OLFM2: variants seen among roughly 807,000 people sequenced by gnomAD.
OLFM2 encodes olfactomedin 2.
A neutral mutation model predicts 43.9 loss-of-function variants in OLFM2; 20 were observed. That is an observed-to-expected ratio of 0.46 (90% CI 0.32 to 0.66). The LOEUF (loss-of-function observed/expected upper bound fraction) is 0.66, where lower values mean the gene tolerates loss of function less well. Ranked by LOEUF, OLFM2 falls within the 30% of genes least tolerant of loss-of-function variation. The pLI is 0.04. For missense variants in OLFM2, 416 were observed against 643.6 expected, an observed-to-expected ratio of 0.65 and a Z score of 3.83; for synonymous variants, 268 against 278.6, an observed-to-expected ratio of 0.96 and a Z score of 0.38.
intron 1 of OLFM2, among the ~76,000 whole-genome samples, chr19:9,919,373 A>G (rs10421142): frequency 4.0e-4 from 61 of 152,138 alleles, no homozygotes; most frequent in African/African-American, 1.4e-3. Flanking sequence ...TCACTGTGTT[A>G]GCCAGGATGG....
chr19:9,921,812 G>A lies in OLFM2; in HGVS notation c.63+14492C>T, dbSNP rs76244461. ...AACTACATTAAAATTAAGAAATCCTGGCTGAGTGCAGTGGCTCACGCCTGT... is the reference window on the plus strand; with the variant it reads ...AACTACATTAAAATTAAGAAATCCTAGCTGAGTGCAGTGGCTCACGCCTGT... On this transcript the variant is annotated intron_variant, in intron 1 of 5. Coordinates refer to ENST00000264833, the MANE Select transcript of OLFM2 (RefSeq NM_058164.4). Among the ~76,000 whole-genome samples, 7 of 152,244 alleles carry A rather than the reference G, an allele frequency of 4.6e-5. No homozygotes were observed. In the East Asian group the frequency reaches 1.4e-3, roughly 30 times the overall value.
At chr19:9,863,991 G>A (rs1020862635) in intron 1 of OLFM2, among the ~76,000 whole-genome samples, 1 of 152,226 alleles carries the variant, frequency 6.6e-6, no homozygotes. Flanking sequence ...CGCCTTCCTT[G>A]TACTCAGGTA....
In OLFM2 at chr19:9,856,273, T is replaced by C. The variant is rs1430636587; in HGVS notation, c.687+534A>G. On this transcript the variant is annotated intron_variant, in intron 5 of 5. Coordinates refer to ENST00000264833, the MANE Select transcript of OLFM2 (RefSeq NM_058164.4). The surrounding 1 kb of genome is among the most constrained non-coding windows in gnomAD (Gnocchi z 4.0). ...ACCACCATGTCCGGCTAATTTTGTA[T>C]TTTTAGTAGAGACAGGGTTTCTCCA... is the stretch of plus-strand genomic sequence containing the variant. Among the ~76,000 whole-genome samples, 1 of 152,120 alleles carries C rather than the reference T, an allele frequency of 6.6e-6. No homozygotes were observed. The highest frequency in any genetic ancestry group is 1.5e-5 in the Non-Finnish European group (1 of 68,034).
rs1246691288 is a variant in OLFM2 at position 9,907,716 on chromosome 19, G to T, written c.63+28588C>A. 2.0e-5 allele frequency among the ~76,000 whole-genome samples: 3 copies of T among 152,060 alleles called. No individual in the cohort carries two copies. The East Asian group carries it at 5.8e-4, about 30-fold the overall frequency. On this transcript the variant is annotated intron_variant, in intron 1 of 5. Transcript: ENST00000264833. Reference sequence around the variant, plus strand: ...CAGACATGAATGAGATAAAGAGACAGATATAGGCCGGGCATGGTGGCTTAT... The same window carrying T: ...CAGACATGAATGAGATAAAGAGACATATATAGGCCGGGCATGGTGGCTTAT...
intron 1 of OLFM2, among the ~76,000 whole-genome samples, chr19:9,920,985 G>A (rs900435772): frequency 6.6e-6 from 1 of 152,018 alleles, no homozygotes; most frequent in East Asian, 1.9e-4. Flanking sequence ...ATCAATAATT[G>A]CTGAGATTTA....
At chr19:9,890,745 G>A (rs2046631753) in intron 1 of OLFM2, among the ~76,000 whole-genome samples, 1 of 152,006 alleles carries the variant, frequency 6.6e-6, no homozygotes, top group African/African-American at 2.4e-5. Context: ...TTGAGGCCAG[G>A]AGTTTGAGAA....
intron 1 of OLFM2, among the ~76,000 whole-genome samples, chr19:9,869,343 TG>T (rs2046425947): frequency 6.6e-6 from 1 of 152,178 alleles, no homozygotes; most frequent in Non-Finnish European, 1.5e-5. Flanking sequence ...TTATTCCTCC[TG>T]GGATGGTAGA....
intron 1 of OLFM2, among the ~76,000 whole-genome samples, chr19:9,922,294 A>ACT (rs2086426489): frequency 6.8e-6 from 1 of 146,888 alleles, no homozygotes; most frequent in African/African-American, 2.5e-5. Flanking sequence ...ACACACACAC[A>ACT]TTCCTACAAA....
chr19:9,914,375 C>T (rs1452686548), intron 1 of OLFM2, among the ~76,000 whole-genome samples: 1 of 152,150 alleles, frequency 6.6e-6, no homozygotes, highest in East Asian at 1.9e-4. Flanking sequence ...GAAGGGGCTT[C>T]CTTCCCGGGC....
chr19:9,907,209 A>C (rs988278266), intron 1 of OLFM2, among the ~76,000 whole-genome samples: 1 of 152,152 alleles, frequency 6.6e-6, no homozygotes, highest in Non-Finnish European at 1.5e-5. Flanking sequence ...TAATCCCAGC[A>C]CTTTGGGTAG....
At chr19:9,926,792 C>T (rs183835613) in intron 1 of OLFM2, among the ~76,000 whole-genome samples, 11 of 151,582 alleles carry the variant, frequency 7.3e-5, no homozygotes, top group Admixed American at 7.2e-4. Context: ...CCGGCCTGGA[C>T]AATATAGTGA....
chr19:9,926,168 G>A (rs1009690730), intron 1 of OLFM2, among the ~76,000 whole-genome samples: 1 of 151,100 alleles, frequency 6.6e-6, no homozygotes, highest in Non-Finnish European at 1.5e-5. Context: ...AAAAAAAGCT[G>A]AAAACAACCC....
chr19:9,858,566 C>T (rs921151327), intron 2 of OLFM2, among the ~76,000 whole-genome samples: 2 of 152,220 alleles, frequency 1.3e-5, no homozygotes, highest in African/African-American at 4.8e-5. Context: ...ACAGCTTAAC[C>T]TCCAGTGCCC....
intron 1 of OLFM2, among the ~76,000 whole-genome samples, chr19:9,925,962 C>G (rs114227589): frequency 0.015 from 2,265 of 151,162 alleles, 51 homozygotes; most frequent in African/African-American, 0.052. Flanking sequence ...TGACAAGACC[C>G]CATCTCTACA....
chr19:9,913,700 C>T (rs1272309425), intron 1 of OLFM2: 2 of 1,069,872 alleles, frequency 1.9e-6, no homozygotes, highest in Middle Eastern at 4.3e-4. Context: ...CCTCGACACC[C>T]AGGCGCCCCG....
Position 9,854,306 on chromosome 19 carries a change from G to A in OLFM2, c.1245C>T (p.Ser415=). Residue 415 remains serine, a synonymous_variant, in exon 6 of 6, where the codon TCC becomes TCT. Coordinates refer to ENST00000264833, the MANE Select transcript of OLFM2 (RefSeq NM_058164.4). This position sits in a 1 kb window ranked among gnomAD's most constrained non-coding sequence, Gnocchi z 9.5. ...GGTTGTAATCCAGCATCGAGATGTG[G>A]GAATACTGGTTGTGGAAGGGCACGT... ...YTDVPFHNQY[S]HISMLDYNPR... is the part of the protein sequence containing the mutation. The A allele has an allele frequency of 6.2e-7, 1 of 1,614,160 alleles. No homozygotes were observed. Among genetic ancestry groups the A allele is most frequent in the Non-Finnish European group, 8.5e-7 (1 of 1,180,016 alleles).
intron 1 of OLFM2, among the ~76,000 whole-genome samples, chr19:9,903,005 C>A (rs2046753943): frequency 1.3e-5 from 2 of 151,714 alleles, no homozygotes; most frequent in Non-Finnish European, 2.9e-5. Context: ...TACAGACAGC[C>A]TCGATTTCCT....
intron 1 of OLFM2, among the ~76,000 whole-genome samples, chr19:9,927,608 C>T (rs1439812533): frequency 1.3e-5 from 2 of 152,222 alleles, no homozygotes; most frequent in Admixed American, 1.3e-4. Context: ...AGGAAGCCCA[C>T]TTGACTCTTG....
chr19:9,896,618 G>A (rs12982827), intron 1 of OLFM2, among the ~76,000 whole-genome samples: 1 of 151,970 alleles, frequency 6.6e-6, no homozygotes, highest in Non-Finnish European at 1.5e-5. Context: ...TTACCCCAGG[G>A]CCTTTGCATA....
Sources: allele counts gnomAD v4.1 joint callset (sites outside exome capture counted in the v4.1 genomes callset), GRCh38; gene constraint gnomAD v4.1.1; non-coding constraint Gnocchi (gnomAD v3.1); transcripts MANE v1.5; gene names NCBI Gene and HGNC (gene_info 2026-07-23, HGNC 2026-07-21).